Variants in BNC2 observed in about 807,000 individuals in gnomAD.
BNC2 encodes zinc finger protein basonuclin-2.
BNC2 carries 20 observed loss-of-function variants against 76.3 expected under a neutral mutation model. That is an observed-to-expected ratio of 0.26 (90% CI 0.18 to 0.38). BNC2 has a LOEUF of 0.38. Ranked by LOEUF, BNC2 falls within the 10% of genes least tolerant of loss-of-function variation. The pLI is 1.00. For synonymous variants in BNC2, 582 were observed against 514.8 expected (o/e 1.13, Z -1.77); for missense variants, 1,382 against 1,399.8 (o/e 0.99, Z 0.20).
intron 3 of BNC2, among the ~76,000 whole-genome samples, chr9:16,703,759 T>C (rs1823582135): frequency 1.3e-5 from 2 of 152,214 alleles, no homozygotes; most frequent in African/African-American, 4.8e-5. Flanking sequence ...GGTCCACTCA[T>C]AGTTTACTTT....
chr9:16,868,830 T>G (rs920803951), intron 1 of BNC2, among the ~76,000 whole-genome samples: 4 of 152,142 alleles, frequency 2.6e-5, no homozygotes, highest in Non-Finnish European at 5.9e-5. Context: ...AAAGTAAATG[T>G]TCTGTTAACT....
intron 1 of BNC2, among the ~76,000 whole-genome samples, chr9:16,826,456 G>A (rs74636249): frequency 1.3e-5 from 2 of 152,002 alleles, no homozygotes; most frequent in Admixed American, 6.6e-5. Flanking sequence ...CCATACGGAG[G>A]TCCACTATTT....
intron 1 of BNC2, among the ~76,000 whole-genome samples, chr9:16,749,653 T>C (rs1472989424): frequency 2.0e-5 from 3 of 150,906 alleles, no homozygotes; most frequent in Non-Finnish European, 4.4e-5. Context: ...TGAGCCATGA[T>C]TGTGCCACTG....
At chr9:16,491,465 A>C (rs570476163) in intron 5 of BNC2, among the ~76,000 whole-genome samples, 1 of 152,350 alleles carries the variant, frequency 6.6e-6, no homozygotes, top group South Asian at 2.1e-4. Context: ...AATTTTAAAA[A>C]ACACACATAA....
At chr9:16,429,107 C>T (rs1820856855) in intron 6 of BNC2, among the ~76,000 whole-genome samples, 1 of 152,032 alleles carries the variant, frequency 6.6e-6, no homozygotes, top group African/African-American at 2.4e-5. Context: ...TTATTTGAAG[C>T]TTGTGGGAGT....
chr9:16,610,227 G>A (rs746585084), intron 3 of BNC2, among the ~76,000 whole-genome samples: 34 of 152,254 alleles, frequency 2.2e-4, no homozygotes, highest in Non-Finnish European at 4.0e-4. Context: ...AAGGAGGATT[G>A]CTGAATCCGA....
At chr9:16,728,226 G>T (rs753564301) in intron 2 of BNC2, 5 of 599,730 alleles carry the variant, frequency 8.3e-6, no homozygotes, top group Non-Finnish European at 1.5e-5. Context: ...CCTGTCAGGT[G>T]TGCAGGCGGC....
At position 16,845,678 on chromosome 9, in the gene BNC2, A is replaced by G. The variant is rs192751952; in HGVS notation, c.3+24968T>C. 3.3e-4 allele frequency among the ~76,000 whole-genome samples: 50 copies of G among 151,678 alleles called. 1 individual carries two copies. Among genetic ancestry groups the G allele is most frequent in the Admixed American group, 1.3e-3 (20 of 15,248 alleles). Reference sequence around the variant, plus strand: ...GGAGCTTGCAGTGAGCCGAGATCGCACCTCTGCACTCCAGCCTGGGCGACA... The same window carrying G: ...GGAGCTTGCAGTGAGCCGAGATCGCGCCTCTGCACTCCAGCCTGGGCGACA... On this transcript the variant is annotated intron_variant, in intron 1 of 6. Coordinates refer to ENST00000380672, the MANE Select transcript of BNC2 (RefSeq NM_017637.6).
chr9:16,830,955 C>G (rs920223613), intron 1 of BNC2, among the ~76,000 whole-genome samples: 2 of 152,208 alleles, frequency 1.3e-5, no homozygotes, highest in African/African-American at 4.8e-5. Context: ...TTGGATTCCA[C>G]TGGCAGCTGG....
At chr9:16,659,417 G>A (rs1243955519) in intron 3 of BNC2, among the ~76,000 whole-genome samples, 2 of 151,914 alleles carry the variant, frequency 1.3e-5, no homozygotes, top group Non-Finnish European at 2.9e-5. Context: ...AGACCATCCT[G>A]GCCAACATGG....
intron 1 of BNC2, among the ~76,000 whole-genome samples, chr9:16,740,696 C>T (rs977875430): frequency 6.6e-6 from 1 of 151,936 alleles, no homozygotes; most frequent in East Asian, 1.9e-4. Context: ...GTTTGTTTTT[C>T]ACTACAGGGA....
intron 5 of BNC2, among the ~76,000 whole-genome samples, chr9:16,479,181 G>C (rs549756923): frequency 6.6e-6 from 1 of 151,846 alleles, no homozygotes; most frequent in East Asian, 2.0e-4. Flanking sequence ...GAATCTGGGA[G>C]GCGGAGGCTG....
intron 5 of BNC2, among the ~76,000 whole-genome samples, chr9:16,497,875 C>T (rs1822423159): frequency 6.6e-6 from 1 of 151,550 alleles, no homozygotes; most frequent in African/African-American, 2.4e-5. Flanking sequence ...CTCTGTTTTC[C>T]AAGATACTTG....
At position 16,419,529 on chromosome 9, in the gene BNC2, T is replaced by C. The variant is rs138887153; in HGVS notation, c.2760A>G (p.Ile920Met). 2.2e-5 allele frequency: 36 copies of C among 1,613,930 alleles called. No homozygotes were observed. The highest frequency in any genetic ancestry group is 2.6e-5 in the Non-Finnish European group (31 of 1,180,014). Residue 920 changes from isoleucine (I) to methionine (M), a missense_variant, in exon 7 of 7, where the codon ATA (isoleucine) becomes ATG (methionine). This residue lies in a region of BNC2 where 798 missense variants were observed against 775.5 expected (regional missense o/e 1.03). Transcript: ENST00000380672. ...GCCCCATGGGGTGCTGGGCACCATA[T>C]ATCTTCACCAAAAATTCATCGCGGA... is the stretch of plus-strand genomic sequence containing the variant. ...KDLRDEFLVKIYGAQHPMGLD... is the reference protein window; with the variant it reads ...KDLRDEFLVKMYGAQHPMGLD...
rs747552722 is a variant in BNC2 at position 16,478,344 on chromosome 9, A to G, written c.670-40820T>C. Among the ~76,000 whole-genome samples, 21 of 152,138 alleles carry G rather than the reference A, an allele frequency of 1.4e-4. 1 individual carries two copies. The highest frequency in any genetic ancestry group is 2.6e-4 in the Non-Finnish European group (18 of 68,034). ...AGTGGTGATCACATTTCAATTGCTC[A>G]ATGCTCCTCATACACAGTGGTACCC... is the stretch of plus-strand genomic sequence containing the variant. On this transcript the variant is annotated intron_variant, in intron 5 of 6. Transcript: ENST00000380672.
intron 3 of BNC2, among the ~76,000 whole-genome samples, chr9:16,622,208 C>T (rs1226664127): frequency 1.3e-5 from 2 of 152,134 alleles, no homozygotes; most frequent in Non-Finnish European, 2.9e-5. Context: ...CATTCCTAAA[C>T]TCCATGATTC....
At chr9:16,845,503 C>T (rs1405040373) in intron 1 of BNC2, among the ~76,000 whole-genome samples, 1 of 149,678 alleles carries the variant, frequency 6.7e-6, no homozygotes, top group Non-Finnish European at 1.5e-5. Flanking sequence ...GGGCGGATCA[C>T]AAGGTCAGGA....
At chr9:16,610,092 C>T (rs1820502543) in intron 3 of BNC2, among the ~76,000 whole-genome samples, 1 of 151,798 alleles carries the variant, frequency 6.6e-6, no homozygotes, top group Admixed American at 6.6e-5. Flanking sequence ...GGCCCAGCAA[C>T]ATAATATAGA....
chr9:16,447,718 C>G (rs1821257438), intron 5 of BNC2, among the ~76,000 whole-genome samples: 1 of 152,046 alleles, frequency 6.6e-6, no homozygotes, highest in Admixed American at 6.6e-5. Flanking sequence ...TGCCCAAAGA[C>G]TCCCTAAGAG....
Sources: allele counts gnomAD v4.1 joint callset (sites outside exome capture counted in the v4.1 genomes callset), GRCh38; gene constraint gnomAD v4.1.1; regional missense constraint gnomAD v4.1.1; transcripts MANE v1.5; gene names NCBI Gene and HGNC (gene_info 2026-07-23, HGNC 2026-07-21).